SEMA5A: variants seen among roughly 807,000 people sequenced by gnomAD.
SEMA5A encodes semaphorin-5A.
SEMA5A carries 55 observed loss-of-function variants against 135.5 expected under a neutral mutation model. That is an observed-to-expected ratio of 0.41 (90% CI 0.33 to 0.51). The LOEUF (loss-of-function observed/expected upper bound fraction) is 0.51. SEMA5A is among the 20% of genes least tolerant of loss of function. The pLI is 0.37. For synonymous variants in SEMA5A, 580 were observed against 546.5 expected (o/e 1.06, Z -0.85); for missense variants, 1,290 against 1,419.9 (o/e 0.91, Z 1.47).
intron 2 of SEMA5A, among the ~76,000 whole-genome samples, chr5:9,406,914 A>T (rs1756908028): frequency 6.6e-6 from 1 of 152,212 alleles, no homozygotes; most frequent in African/African-American, 2.4e-5. Flanking sequence ...AAATTAAGAG[A>T]TTCTAGAATG....
intron 2 of SEMA5A, among the ~76,000 whole-genome samples, chr5:9,388,480 A>G (rs896684693): frequency 6.6e-6 from 1 of 151,946 alleles, no homozygotes; most frequent in Non-Finnish European, 1.5e-5. Flanking sequence ...AAAAAAAAAA[A>G]AAAGAAAAAG....
At chr5:9,351,426 C>A (rs1024793843) in intron 3 of SEMA5A, among the ~76,000 whole-genome samples, 3 of 151,868 alleles carry the variant, frequency 2.0e-5, no homozygotes, top group Non-Finnish European at 4.4e-5. Context: ...ATAATTAGTG[C>A]ATTTCATTGT....
rs1378151075 is a variant in SEMA5A, at chr5:9,353,098, G to GAAAGGAAAGGAAAGGA, written c.125-15287_125-15286insTCCTTTCCTTTCCTTT. On this transcript the variant is annotated intron_variant, in intron 3 of 22. Coordinates refer to ENST00000382496, the MANE Select transcript of SEMA5A (RefSeq NM_003966.3). ...GGAAAGGAAAGGAAAGGAAAGGAAG[G>GAAAGGAAAGGAAAGGA]AAGGAAAGGAAAGGAAAGGAAAGGA... is the stretch of plus-strand genomic sequence containing the variant. 4.1e-3 allele frequency among the ~76,000 whole-genome samples: 90 copies of GAAAGGAAAGGAAAGGA among 21,784 alleles called. 13 individuals carry two copies. The highest frequency in any genetic ancestry group is 5.5e-3 in the Non-Finnish European group (74 of 13,512). The allele number at this position is 21,784 out of a possible 152,430, so 14.3% of individuals were successfully genotyped here. A position where few individuals can be genotyped will look rare whatever the true frequency, so the allele number is the denominator to read the frequency against.
At chr5:9,291,426 C>T (rs1316347418) in intron 5 of SEMA5A, among the ~76,000 whole-genome samples, 1 of 152,180 alleles carries the variant, frequency 6.6e-6, no homozygotes, top group Admixed American at 6.5e-5. Context: ...CAGTTCCAGG[C>T]ATGGCCTTAA....
chr5:9,202,392 A>T, intron 8 of SEMA5A, 152 bp from the exon 9 acceptor site: 2 of 515,110 alleles, frequency 3.9e-6, no homozygotes, highest in Non-Finnish European at 6.3e-6. Flanking sequence ...GAGCAGCTTA[A>T]TGATCTACAC....
chr5:9,054,283 T>C, intron 18 of SEMA5A, 26 bp from the exon 19 acceptor site: 2 of 1,602,242 alleles, frequency 1.2e-6, no homozygotes, highest in South Asian at 1.1e-5. Context: ...ATGTCACAGC[T>C]CTTCTATAAT....
intron 1 of SEMA5A, among the ~76,000 whole-genome samples, chr5:9,481,210 T>C (rs7707516): frequency 0.017 from 2,662 of 152,264 alleles, 79 homozygotes; most frequent in African/African-American, 0.06. Flanking sequence ...GCCTCCAAAG[T>C]GCTGGGATTA....
In SEMA5A at chr5:9,384,619, CATAGATAGATAGATAG is replaced by C. The variant is rs67211847; in HGVS notation, c.-77-4612_-77-4597del. Among the ~76,000 whole-genome samples, 636 of 85,798 alleles carry C rather than the reference CATAGATAGATAGATAG, an allele frequency of 7.4e-3. 41 individuals carry two copies. Among genetic ancestry groups the C allele is most frequent in the Admixed American group, 0.035 (275 of 7,882 alleles). The allele number at this position is 85,798 out of a possible 152,430, so 56.3% of individuals were successfully genotyped here. A position where few individuals can be genotyped will look rare whatever the true frequency, so the allele number is the denominator to read the frequency against. ...AGATAGATAGATAGATAGATAGATA[CATAGATAGATAGATAG>C]ATAGATAGATAGATAGATAGATAGA... On this transcript the variant is annotated intron_variant, in intron 2 of 22. Transcript: ENST00000382496.
intron 12 of SEMA5A, among the ~76,000 whole-genome samples, chr5:9,147,186 G>A (rs1009614724): frequency 1.3e-5 from 2 of 152,088 alleles, no homozygotes; most frequent in African/African-American, 4.8e-5. Context: ...ATTTTTTGAT[G>A]AGGTGTTAAT....
chr5:9,506,831 C>T (rs137971008), intron 1 of SEMA5A, among the ~76,000 whole-genome samples: 6 of 152,312 alleles, frequency 3.9e-5, no homozygotes, highest in East Asian at 1.9e-4. Context: ...ATGCCTCCCC[C>T]TCTATGTGCT....
intron 8 of SEMA5A, among the ~76,000 whole-genome samples, chr5:9,206,307 T>C (rs1561020478): frequency 6.6e-6 from 1 of 152,190 alleles, no homozygotes; most frequent in Non-Finnish European, 1.5e-5. Context: ...CTGAGTTATG[T>C]ATTACCGTGT....
intron 5 of SEMA5A, among the ~76,000 whole-genome samples, chr5:9,241,401 T>G: frequency 6.6e-6 from 1 of 152,052 alleles, no homozygotes; most frequent in Non-Finnish European, 1.5e-5. Flanking sequence ...ACAGCATAAG[T>G]GTATTCCATC....
At chr5:9,382,174 T>C (rs1755649123) in intron 2 of SEMA5A, among the ~76,000 whole-genome samples, 1 of 152,086 alleles carries the variant, frequency 6.6e-6, no homozygotes, top group African/African-American at 2.4e-5. Context: ...GTTGTGTGTG[T>C]CTGTAGTCTT....
chr5:9,128,454 TATG>T (rs1741233696), intron 13 of SEMA5A, among the ~76,000 whole-genome samples: 1 of 152,194 alleles, frequency 6.6e-6, no homozygotes, highest in African/African-American at 2.4e-5. Flanking sequence ...TATGTGTGAA[TATG>T]ATACTTGGCA....
chr5:9,307,579 T>C (rs547914853), intron 5 of SEMA5A, among the ~76,000 whole-genome samples: 2 of 152,248 alleles, frequency 1.3e-5, no homozygotes, highest in African/African-American at 2.4e-5. Flanking sequence ...ACATTATCTC[T>C]TACTCAAACA....
At position 9,051,884 on chromosome 5, in the gene SEMA5A, T is replaced by A; in HGVS notation, c.2834A>T (p.Asn945Ile). ...TESRPCVFDS[N>I]FIPEVSVARS... ...ACCTCTGCTCTTACCTGGGATGAAA[T>A]TAGAGTCAAACACACACGGCCGGCT... is the stretch of plus-strand genomic sequence containing the variant. Residue 945 changes from asparagine (N) to isoleucine (I), a missense_variant, in exon 20 of 23, where the codon AAT (asparagine) becomes ATT (isoleucine). Transcript: ENST00000382496. 6.2e-7 allele frequency: 1 copy of A among 1,614,168 alleles called. No individual in the cohort carries two copies. Among genetic ancestry groups the A allele is most frequent in the East Asian group, 2.2e-5 (1 of 44,868 alleles).
chr5:9,276,856 AC>A (rs1468426063), intron 5 of SEMA5A, among the ~76,000 whole-genome samples: 6 of 152,152 alleles, frequency 3.9e-5, no homozygotes, highest in African/African-American at 1.4e-4. Flanking sequence ...AACCATAAAA[AC>A]CCTAGAAGAA....
intron 10 of SEMA5A, among the ~76,000 whole-genome samples, chr5:9,196,560 C>T (rs142199122): frequency 1.3e-5 from 2 of 152,328 alleles, no homozygotes; most frequent in African/African-American, 4.8e-5. Context: ...GCCAACTCAC[C>T]AAACATGAGT....
At chr5:9,411,588 A>G (rs963437673) in intron 2 of SEMA5A, among the ~76,000 whole-genome samples, 1 of 152,220 alleles carries the variant, frequency 6.6e-6, no homozygotes, top group South Asian at 2.1e-4. Flanking sequence ...GCTCGTCCTC[A>G]GTCCCATGAA....
Sources: gnomAD v4.1 joint callset for allele counts (sites outside exome capture counted in the v4.1 genomes callset) on GRCh38, gnomAD v4.1.1 for gene constraint, MANE v1.5 for transcripts, NCBI Gene and HGNC (gene_info 2026-07-23, HGNC 2026-07-21) for gene names.